Variants in ALKBH1 observed in about 807,000 individuals in gnomAD.
The protein encoded by ALKBH1 is alkB homolog 1, histone H2A dioxygenase.
ALKBH1 carries 31 observed loss-of-function variants against 36.6 expected under a neutral mutation model. The observed-to-expected ratio is 0.85, with a 90% CI of 0.64 to 1.14. ALKBH1 has a LOEUF of 1.14. Among genes scored for constraint, ALKBH1 ranks in the 50% most tolerant of loss-of-function variants. The probability of loss-of-function intolerance (pLI) is 0.00; values close to 1 mark genes in which losing one functional copy is unlikely to be tolerated. For missense variants in ALKBH1, 490 were observed against 497.3 expected (o/e 0.99, Z 0.14); for synonymous variants, 183 against 186.6 (o/e 0.98, Z 0.16).
At chr14:77,692,922 T>C (rs1156815005) in intron 3 of ALKBH1, among the ~76,000 whole-genome samples, 1 of 151,632 alleles carries the variant, frequency 6.6e-6, no homozygotes, top group Non-Finnish European at 1.5e-5. Context: ...AAAAATTTTT[T>C]TGGGGCCGGG....
chr14:77,694,286 A>C (rs1286412979), intron 3 of ALKBH1, among the ~76,000 whole-genome samples: 1 of 152,206 alleles, frequency 6.6e-6, no homozygotes, highest in African/African-American at 2.4e-5. Context: ...TGAAGCATGA[A>C]GGTGAAAATA....
At chr14:77,693,201 C>T (rs1461393502) in intron 3 of ALKBH1, among the ~76,000 whole-genome samples, 9 of 132,568 alleles carry the variant, frequency 6.8e-5, no homozygotes, top group Non-Finnish European at 1.1e-4. Flanking sequence ...AGCGAAACTC[C>T]GTCTCAAAAA....
At chr14:77,691,980 A>AT (rs1249761743) in intron 3 of ALKBH1, 1 of 152,194 alleles carries the variant, frequency 6.6e-6, no homozygotes, top group Non-Finnish European at 1.5e-5. Context: ...TTGATACCAT[A>AT]ACCTATAGAC....
chr14:77,696,422 T>A (rs1381339702), intron 2 of ALKBH1, among the ~76,000 whole-genome samples: 2 of 152,166 alleles, frequency 1.3e-5, no homozygotes, highest in Non-Finnish European at 2.9e-5. Context: ...CTAGGCACTT[T>A]CTTAAGAATT....
At chr14:77,690,366 T>C (rs1295881728) in intron 3 of ALKBH1, among the ~76,000 whole-genome samples, 1 of 152,262 alleles carries the variant, frequency 6.6e-6, no homozygotes, top group Non-Finnish European at 1.5e-5. Flanking sequence ...AATGTGATGA[T>C]GTTATGCAAC....
chr14:77,702,124 C>T (rs749415962), intron 2 of ALKBH1, among the ~76,000 whole-genome samples: 3 of 151,990 alleles, frequency 2.0e-5, no homozygotes, highest in Non-Finnish European at 4.4e-5. Context: ...CATGGTGAAA[C>T]CCCATCTCTA....
At chr14:77,685,068 T>A (rs2080260389) in intron 3 of ALKBH1, among the ~76,000 whole-genome samples, 1 of 152,236 alleles carries the variant, frequency 6.6e-6, no homozygotes, top group Non-Finnish European at 1.5e-5. Context: ...CAATAAAAAT[T>A]ATCAAAATTA....
intron 2 of ALKBH1, among the ~76,000 whole-genome samples, chr14:77,698,317 A>T (rs2080339264): frequency 6.6e-6 from 1 of 152,230 alleles, no homozygotes; most frequent in Non-Finnish European, 1.5e-5. Flanking sequence ...ATGGATCAAG[A>T]GGGTAGAGAG....
At chr14:77,683,150 T>A (rs1180851364) in intron 3 of ALKBH1, 4 of 19,262 alleles carry the variant, frequency 2.1e-4, no homozygotes, top group Non-Finnish European at 3.6e-4. Flanking sequence ...CTGTAAAGTC[T>A]TTTTTTTTTT....
intron 4 of ALKBH1, among the ~76,000 whole-genome samples, chr14:77,676,396 C>A (rs1369108466): frequency 6.6e-6 from 1 of 152,086 alleles, no homozygotes; most frequent in Non-Finnish European, 1.5e-5. Flanking sequence ...ATACATGAAG[C>A]AATTACTCCA....
chr14:77,691,296 C>G (rs1049510633), intron 3 of ALKBH1, among the ~76,000 whole-genome samples: 1 of 152,044 alleles, frequency 6.6e-6, no homozygotes, highest in Admixed American at 6.5e-5. Flanking sequence ...TCTTCCCTGA[C>G]TATAGAATTC....
intron 5 of ALKBH1, among the ~76,000 whole-genome samples, chr14:77,674,743 G>A (rs2080195898): frequency 6.6e-6 from 1 of 152,026 alleles, no homozygotes; most frequent in African/African-American, 2.4e-5. Flanking sequence ...GTAGAGATGG[G>A]GTTTTACCGT....
intron 1 of ALKBH1, 72 bp downstream of exon 1, chr14:77,707,750 A>C: frequency 6.6e-7 from 1 of 1,504,410 alleles, no homozygotes. Flanking sequence ...AAAGAGGCGA[A>C]GAAGACACGT....
At chr14:77,700,275 T>G (rs1247010180) in intron 2 of ALKBH1, among the ~76,000 whole-genome samples, 3 of 152,200 alleles carry the variant, frequency 2.0e-5, no homozygotes, top group Non-Finnish European at 4.4e-5. Context: ...TAAAATTCTA[T>G]GTCTAGATTC....
intron 3 of ALKBH1, among the ~76,000 whole-genome samples, chr14:77,680,677 C>CTTTT (rs1555383644): frequency 2.2e-4 from 27 of 124,346 alleles, no homozygotes; most frequent in African/African-American, 8.3e-4. Flanking sequence ...ATTAACTACT[C>CTTTT]TTTTTTTTTT....
In ALKBH1 at chr14:77,675,822, A is replaced by G. The variant is rs1055313356; in HGVS notation, c.574T>C (p.Phe192Leu). Residue 192 changes from phenylalanine to leucine, a missense_variant, in exon 5 of 6, where the codon TTC (phenylalanine) becomes CTC (leucine). Coordinates refer to ENST00000216489, the MANE Select transcript of ALKBH1 (RefSeq NM_006020.3). ...KKYSADHYTPFPSDLGFLSEQ... is the reference protein window; with the variant it reads ...KKYSADHYTPLPSDLGFLSEQ... ...GAGAGGAAACCCAGGTCAGAAGGGA[A>G]AGGTGTGTAATGATCTGCTGAGTAT... The G allele has an allele frequency of 8.1e-6, 13 of 1,613,702 alleles. No homozygotes were observed. Among genetic ancestry groups the G allele is most frequent in the Non-Finnish European group, 1.1e-5 (13 of 1,179,740 alleles).
intron 3 of ALKBH1, 49 bp downstream of exon 3, chr14:77,694,689 G>C: frequency 7.1e-7 from 1 of 1,412,310 alleles, no homozygotes; most frequent in Non-Finnish European, 9.3e-7. Flanking sequence ...AAAGACCTGT[G>C]ATGATCTGAG....
chr14:77,691,800 A>T (rs770678584), intron 3 of ALKBH1: 1 of 152,064 alleles, frequency 6.6e-6, no homozygotes, highest in Non-Finnish European at 1.5e-5. Context: ...GGATTTCTGC[A>T]GAGTCATATA....
rs140755041 is a variant in ALKBH1, at chr14:77,689,922, G to A, written c.455+4816C>T. Among the ~76,000 whole-genome samples, 859 of 152,250 alleles carry A rather than the reference G, an allele frequency of 5.6e-3. 8 individuals are homozygous for A. The highest frequency in any genetic ancestry group is 0.02 in the African/African-American group (826 of 41,538). On this transcript the variant is annotated intron_variant, in intron 3 of 5. Coordinates refer to ENST00000216489, the MANE Select transcript of ALKBH1 (RefSeq NM_006020.3). ...TGTAGTTCCGGCTATTCAGGGGGCT[G>A]AGGTGGGGCAACTGCTTCAGCCCAG...
Sources: allele counts gnomAD v4.1 joint callset (sites outside exome capture counted in the v4.1 genomes callset), GRCh38; gene constraint gnomAD v4.1.1; transcripts MANE v1.5; gene names NCBI Gene and HGNC (gene_info 2026-07-23, HGNC 2026-07-21).